The following ZEB1 variants were observed in gnomAD, a reference collection of about 807,000 sequenced individuals.
ZEB1 encodes the protein zinc finger E-box binding homeobox 1.
ZEB1 carries 21 observed loss-of-function variants against 84.9 expected under a neutral mutation model. The observed-to-expected ratio is 0.25, with a 90% confidence interval of 0.18 to 0.36. The LOEUF is 0.36. Among genes scored for constraint, ZEB1 ranks in the 10% least tolerant of loss-of-function variants. ZEB1 has a pLI of 1.00. For synonymous variants in ZEB1, 420 were observed against 471.1 expected, an observed-to-expected ratio of 0.89 and a Z score of 1.41; for missense variants, 1,104 against 1,330.2, an observed-to-expected ratio of 0.83 and a Z score of 2.65.
chr10:31,343,654 T>C (rs1480174931), intron 1 of ZEB1, among the ~76,000 whole-genome samples: 1 of 152,086 alleles, frequency 6.6e-6, no homozygotes, highest in African/African-American at 2.4e-5. Flanking sequence ...TTATAAAATG[T>C]GTTTGTATAA....
At chr10:31,469,668 G>A (rs1057366073) in intron 2 of ZEB1, among the ~76,000 whole-genome samples, 1 of 152,240 alleles carries the variant, frequency 6.6e-6, no homozygotes, top group African/African-American at 2.4e-5. Context: ...GCTTCCTTAG[G>A]TAAACAAAGC....
At chr10:31,375,904 A>G (rs964885530) in intron 1 of ZEB1, among the ~76,000 whole-genome samples, 8 of 151,658 alleles carry the variant, frequency 5.3e-5, no homozygotes, top group African/African-American at 1.9e-4. Flanking sequence ...GGCAGAAGTT[A>G]TGAAGAAGTT....
chr10:31,457,628 T>G lies in ZEB1; in HGVS notation c.59-3409T>G, dbSNP rs533960836. On this transcript the variant is annotated intron_variant, in intron 1 of 8. Transcript: ENST00000424869. ...TTTGGATTTATGACATAATCTATCTTACAATGGCAGCTTATACAGGGGACA... is the reference window on the plus strand; with the variant it reads ...TTTGGATTTATGACATAATCTATCTGACAATGGCAGCTTATACAGGGGACA... 2.3e-4 allele frequency among the ~76,000 whole-genome samples: 35 copies of G among 152,246 alleles called. No homozygotes were observed. In the South Asian group the frequency reaches 7.2e-3, roughly 32 times the overall value.
At chr10:31,508,737 C>G (rs2069425987) in intron 4 of ZEB1, among the ~76,000 whole-genome samples, 1 of 151,996 alleles carries the variant, frequency 6.6e-6, no homozygotes, top group South Asian at 2.1e-4. Flanking sequence ...GTAAGGACAT[C>G]AGTGGTTGCA....
At chr10:31,481,218 G>T (rs1230065615) in intron 2 of ZEB1, among the ~76,000 whole-genome samples, 1 of 152,058 alleles carries the variant, frequency 6.6e-6, no homozygotes, top group Non-Finnish European at 1.5e-5. Context: ...GTTGGAATTG[G>T]AAGTATCAGT....
intron 1 of ZEB1, among the ~76,000 whole-genome samples, chr10:31,411,871 T>C (rs1465971562): frequency 1.3e-5 from 2 of 152,178 alleles, no homozygotes; most frequent in Admixed American, 1.3e-4. Context: ...TCTAATAAAC[T>C]GTGGAATAAC....
chr10:31,495,944 T>C (rs1047142100), intron 3 of ZEB1, 106 bp downstream of exon 3: 3 of 1,196,768 alleles, frequency 2.5e-6, no homozygotes, highest in Admixed American at 1.7e-5. Context: ...CCTTCTCTTT[T>C]ATCTTACCTT....
chr10:31,465,523 C>A (rs1336596052), intron 2 of ZEB1, among the ~76,000 whole-genome samples: 1 of 151,746 alleles, frequency 6.6e-6, no homozygotes, highest in Non-Finnish European at 1.5e-5. Flanking sequence ...TAAAACTTTT[C>A]AGAAAACAAT....
chr10:31,331,077 C>CTTTTTTTTTTTT (rs1238584690), intron 1 of ZEB1, among the ~76,000 whole-genome samples: 1 of 89,042 alleles, frequency 1.1e-5, no homozygotes, highest in African/African-American at 5.4e-5. Flanking sequence ...TTTTTTCTTT[C>CTTTTTTTTTTTT]TTTCTTTTTT....
chr10:31,320,874 G>A (rs1014506239), intron 1 of ZEB1, among the ~76,000 whole-genome samples: 1 of 152,154 alleles, frequency 6.6e-6, no homozygotes, highest in African/African-American at 2.4e-5. Flanking sequence ...CGCCTGCGCC[G>A]CCCCGGTACC....
intron 1 of ZEB1, among the ~76,000 whole-genome samples, chr10:31,332,978 A>G (rs949450936): frequency 6.6e-6 from 1 of 152,174 alleles, no homozygotes; most frequent in African/African-American, 2.4e-5. Context: ...CCTATGTATT[A>G]TCTGTGACAG....
chr10:31,361,231 T>C, intron 1 of ZEB1: 1 of 1,609,834 alleles, frequency 6.2e-7, no homozygotes, highest in Non-Finnish European at 8.5e-7. Context: ...TCTTGCTCTG[T>C]CACCAGGCTG....
chr10:31,319,570 A>C, intron 1 of ZEB1: 27 of 405,462 alleles, frequency 6.7e-5, no homozygotes, highest in East Asian at 2.6e-4. Context: ...CTGGACCGTT[A>C]GCCGGCGCCG....
At chr10:31,472,275 T>G (rs900101324) in intron 2 of ZEB1, among the ~76,000 whole-genome samples, 1 of 151,924 alleles carries the variant, frequency 6.6e-6, no homozygotes, top group Non-Finnish European at 1.5e-5. Flanking sequence ...ATCCCAGAGC[T>G]GGTTTTTTGA....
intron 1 of ZEB1, among the ~76,000 whole-genome samples, chr10:31,378,551 TA>T (rs1374602756): frequency 1.3e-5 from 2 of 151,412 alleles, no homozygotes; most frequent in Non-Finnish European, 3.0e-5. Context: ...TATGTAATAT[TA>T]AATATATAAT....
chr10:31,446,123 C>T (rs1334912647), intron 1 of ZEB1, among the ~76,000 whole-genome samples: 4 of 151,536 alleles, frequency 2.6e-5, no homozygotes, highest in Non-Finnish European at 5.9e-5. Context: ...AGAGATTCAA[C>T]TTCTTCCTGG....
At chr10:31,373,962 G>C (rs1223198026) in intron 1 of ZEB1, among the ~76,000 whole-genome samples, 1 of 150,828 alleles carries the variant, frequency 6.6e-6, no homozygotes, top group East Asian at 1.9e-4. Flanking sequence ...CCCTTTTTTT[G>C]GGCATCTGTG....
chr10:31,379,043 C>T (rs576719934), intron 1 of ZEB1, among the ~76,000 whole-genome samples: 5 of 151,994 alleles, frequency 3.3e-5, no homozygotes, highest in South Asian at 2.1e-4. Flanking sequence ...TAAAATACCC[C>T]GTTATTTTAT....
At chr10:31,518,698 A>G (rs2071661258) in intron 6 of ZEB1, among the ~76,000 whole-genome samples, 3 of 152,146 alleles carry the variant, frequency 2.0e-5, no homozygotes, top group Admixed American at 6.6e-5. Context: ...CATGGACCTC[A>G]ACAGAACCAG....
Sources: allele counts gnomAD v4.1 joint callset (sites outside exome capture counted in the v4.1 genomes callset), GRCh38; gene constraint gnomAD v4.1.1; transcripts MANE v1.5; gene names NCBI Gene and HGNC (gene_info 2026-07-23, HGNC 2026-07-21).